The following TTC7A variants were observed in gnomAD, a reference collection of about 807,000 sequenced individuals.
The protein encoded by TTC7A is tetratricopeptide repeat domain 7A, also known as tetratricopeptide repeat protein 7A.
Under a neutral mutation model 103.7 loss-of-function variants are expected in TTC7A, and 110 were observed. The ratio of observed to expected loss-of-function variants is 1.06; its 90% CI spans 0.91 to 1.24. TTC7A has a LOEUF of 1.24. Ranked by LOEUF, TTC7A falls within the 50% of genes most tolerant of loss-of-function variation. The pLI is 0.00. For missense variants in TTC7A, 1,340 were observed against 1,116.3 expected (o/e 1.20, Z -2.86); for synonymous variants, 521 against 467.9 (o/e 1.11, Z -1.47).
At chr2:46,964,922 C>G (rs1038003616) in intron 3 of TTC7A, among the ~76,000 whole-genome samples, 2 of 152,170 alleles carry the variant, frequency 1.3e-5, no homozygotes, top group African/African-American at 4.8e-5. Context: ...AGCACAGGCC[C>G]CTTGAGAATG....
chr2:47,074,453 A>AC lies in TTC7A; in HGVS notation c.*532dup. On this transcript the variant is annotated 3_prime_UTR_variant, in exon 20 of 20. Transcript: ENST00000319190. ...TGCCCTCTGAGACCAGCTGGGCCCCACCTTGCTCTTTCCCCCTGCTACCAA... is the reference window on the plus strand; with the variant it reads ...TGCCCTCTGAGACCAGCTGGGCCCCACCCTTGCTCTTTCCCCCTGCTACCAA... 6.7e-6 allele frequency: 1 copy of AC among 150,262 alleles called. No individual in the cohort carries two copies. Among genetic ancestry groups the AC allele is most frequent in the Non-Finnish European group, 1.5e-5 (1 of 68,820 alleles). The allele number at this position is 150,262 out of a possible 1,614,324, so 9.3% of individuals were successfully genotyped here.
At chr2:47,069,197 G>T (rs1027044811) in intron 19 of TTC7A, among the ~76,000 whole-genome samples, 5 of 152,134 alleles carry the variant, frequency 3.3e-5, no homozygotes, top group African/African-American at 1.2e-4. Flanking sequence ...AAAAGGCCCA[G>T]CCACTGGCCA....
chr2:46,955,311 C>T (rs1671755827), intron 2 of TTC7A, among the ~76,000 whole-genome samples: 1 of 152,220 alleles, frequency 6.6e-6, no homozygotes, highest in Non-Finnish European at 1.5e-5. Flanking sequence ...GGCCACATAC[C>T]TCTGGGATGT....
chr2:47,068,448 T>C (rs1447637311), intron 19 of TTC7A: 1 of 152,006 alleles, frequency 6.6e-6, no homozygotes, highest in South Asian at 2.1e-4. Context: ...TTGCTTCTGC[T>C]TGGCAGGAAA....
Position 47,011,528 on chromosome 2 carries a change from A to G in TTC7A, c.1392+93A>G. 6.0e-6 allele frequency: 6 copies of G among 993,634 alleles called. No individual in the cohort carries two copies. In the South Asian group the frequency reaches 8.0e-5, roughly 13 times the overall value. The allele number at this position is 993,634 out of a possible 1,614,324, so 61.6% of individuals were successfully genotyped here. On this transcript the variant is annotated intron_variant, in intron 11 of 19. Coordinates refer to ENST00000319190, the MANE Select transcript of TTC7A (RefSeq NM_020458.4). ...CGTCTTGACGTGTATGTGTGGGTGC[A>G]TGCCGAAGGTGGAAAGGATGGGAGC...
At chr2:46,961,053 G>A (rs1672326092) in intron 3 of TTC7A, among the ~76,000 whole-genome samples, 1 of 152,136 alleles carries the variant, frequency 6.6e-6, no homozygotes, top group South Asian at 2.1e-4. Context: ...GTCTAGAGTG[G>A]AAGCCCACTC....
intron 3 of TTC7A, among the ~76,000 whole-genome samples, chr2:46,972,488 A>G (rs925224122): frequency 3.3e-5 from 5 of 152,200 alleles, no homozygotes; most frequent in African/African-American, 9.6e-5. Flanking sequence ...TTTCTCTAAC[A>G]TTTCTAAGCT....
At position 46,956,902 on chromosome 2, in the gene TTC7A, C is replaced by T. The variant is rs773754673; in HGVS notation, c.412C>T (p.Arg138Ter). 4 of 1,614,172 alleles carry T rather than the reference C, an allele frequency of 2.5e-6. No homozygotes were observed. Among genetic ancestry groups the T allele is most frequent in the Non-Finnish European group, 2.5e-6 (3 of 1,180,026 alleles). Residue 138 changes from arginine to a stop codon, truncating the protein, a stop_gained, in exon 3 of 20, where the codon CGA (arginine) becomes TGA (stop). Coordinates refer to ENST00000319190, the MANE Select transcript of TTC7A (RefSeq NM_020458.4). LOFTEE classifies it high-confidence loss of function. ...GKLHYVEGSY[R>*]DAISMYARAG... ...ACTGCATTACGTGGAGGGCTCATAC[C>T]GAGATGCCATCAGCATGTACGCACG...
At chr2:46,952,330 G>A (rs1056858778) in intron 2 of TTC7A, among the ~76,000 whole-genome samples, 1 of 151,908 alleles carries the variant, frequency 6.6e-6, no homozygotes, top group Non-Finnish European at 1.5e-5. Context: ...CACCAAGACC[G>A]CTTTTCGTTT....
intron 5 of TTC7A, among the ~76,000 whole-genome samples, chr2:46,984,317 T>G (rs902549018): frequency 6.6e-6 from 1 of 152,198 alleles, no homozygotes; most frequent in Non-Finnish European, 1.5e-5. Context: ...TTGAAAACTT[T>G]GGTGGGTGCC....
chr2:46,931,324 A>G (rs761417584), intron 2 of TTC7A, among the ~76,000 whole-genome samples: 2 of 152,242 alleles, frequency 1.3e-5, no homozygotes, highest in Non-Finnish European at 2.9e-5. Context: ...GGCCTCAAGC[A>G]ATCCTCTCGC....
intron 15 of TTC7A, among the ~76,000 whole-genome samples, chr2:47,037,927 A>G (rs1681288107): frequency 6.6e-6 from 1 of 152,152 alleles, no homozygotes; most frequent in Non-Finnish European, 1.5e-5. Flanking sequence ...GGGTAAATAG[A>G]CGCTGTCATT....
intron 3 of TTC7A, among the ~76,000 whole-genome samples, chr2:46,964,976 C>T (rs6544943): frequency 0.69 from 104,209 of 152,064 alleles, 36,078 homozygotes; most frequent in Middle Eastern, 0.74. Flanking sequence ...CGTTCTCCTT[C>T]ACCTCACACC....
intron 15 of TTC7A, among the ~76,000 whole-genome samples, chr2:47,037,977 G>A (rs1681295339): frequency 1.3e-5 from 2 of 152,134 alleles, no homozygotes; most frequent in Admixed American, 1.3e-4. Flanking sequence ...TAGGCTGGGC[G>A]CGGTCACTCA....
intron 3 of TTC7A, among the ~76,000 whole-genome samples, chr2:46,957,667 G>C (rs1335948364): frequency 6.6e-6 from 1 of 152,130 alleles, no homozygotes; most frequent in Non-Finnish European, 1.5e-5. Context: ...CAGCCCAGCT[G>C]GGGGAATCGT....
chr2:47,037,395 A>G (rs903363834), intron 15 of TTC7A, among the ~76,000 whole-genome samples: 3 of 152,102 alleles, frequency 2.0e-5, no homozygotes, highest in Non-Finnish European at 4.4e-5. Flanking sequence ...CCATGCGGGG[A>G]TTTGGGGATC....
intron 3 of TTC7A, among the ~76,000 whole-genome samples, chr2:46,968,058 A>G (rs1208900343): frequency 6.6e-6 from 1 of 152,158 alleles, no homozygotes; most frequent in Non-Finnish European, 1.5e-5. Flanking sequence ...CTCTGCATCC[A>G]GGGCCCAAGG....
intron 2 of TTC7A, 171 bp from the exon 3 acceptor site, chr2:46,956,668 T>C: frequency 7.6e-6 from 5 of 661,388 alleles, no homozygotes; most frequent in Middle Eastern, 8.3e-4. Context: ...CTGCAGACCA[T>C]GGGTGAGAGC....
intron 3 of TTC7A, among the ~76,000 whole-genome samples, chr2:46,957,383 G>C (rs1671967971): frequency 6.6e-6 from 1 of 152,240 alleles, no homozygotes; most frequent in African/African-American, 2.4e-5. Flanking sequence ...GGTTGAGAAA[G>C]GTTTACAAAG....
Sources: gnomAD v4.1 joint callset for allele counts (sites outside exome capture counted in the v4.1 genomes callset) on GRCh38, gnomAD v4.1.1 for gene constraint, MANE v1.5 for transcripts, NCBI Gene and HGNC (gene_info 2026-07-23, HGNC 2026-07-21) for gene names.